Variants in LNPK observed in about 807,000 individuals in gnomAD.
LNPK encodes the protein lunapark, ER junction formation factor, also known as endoplasmic reticulum junction formation protein lunapark.
LNPK carries 29 observed loss-of-function variants against 55.2 expected under a neutral mutation model. The observed-to-expected ratio is 0.53, with a 90% CI of 0.39 to 0.72. The LOEUF (loss-of-function observed/expected upper bound fraction) is 0.72. Ranked by LOEUF, LNPK falls within the 30% of genes least tolerant of loss-of-function variation. The probability of loss-of-function intolerance (pLI) is 0.00; values close to 1 mark genes in which losing one functional copy is unlikely to be tolerated. For synonymous variants in LNPK, 162 were observed against 168.2 expected (o/e 0.96, Z 0.29); for missense variants, 467 against 494.8 (o/e 0.94, Z 0.53).
At chr2:175,987,221 C>T (rs1026924678) in intron 4 of LNPK, among the ~76,000 whole-genome samples, 1 of 152,160 alleles carries the variant, frequency 6.6e-6, no homozygotes, top group Non-Finnish European at 1.5e-5. Flanking sequence ...GACACAAGCA[C>T]ACGTATGTTT....
intron 4 of LNPK, among the ~76,000 whole-genome samples, chr2:175,986,970 G>GA (rs745941194): frequency 0.011 from 1,331 of 118,876 alleles, 7 homozygotes; most frequent in Non-Finnish European, 0.018. Context: ...TATCAAACAA[G>GA]AAAAAAAAAA....
chr2:175,947,336 G>C (rs577691489), intron 9 of LNPK, 144 bp downstream of exon 9: 1 of 643,210 alleles, frequency 1.6e-6, no homozygotes, highest in African/African-American at 1.8e-5. Flanking sequence ...ATGGCTAATT[G>C]AATATGGAAC....
intron 6 of LNPK, among the ~76,000 whole-genome samples, chr2:175,969,207 C>A (rs1300194633): frequency 6.6e-6 from 1 of 152,168 alleles, no homozygotes; most frequent in African/African-American, 2.4e-5. Flanking sequence ...TTTAGTCAAA[C>A]TGCAAGAGAA....
At chr2:175,995,297 C>A (rs924674438) in intron 2 of LNPK, among the ~76,000 whole-genome samples, 1 of 151,892 alleles carries the variant, frequency 6.6e-6, no homozygotes, top group African/African-American at 2.4e-5. Context: ...GCCATTTGCA[C>A]ACAAATACAG....
intron 9 of LNPK, among the ~76,000 whole-genome samples, chr2:175,942,907 T>A (rs1309937710): frequency 2.0e-5 from 3 of 149,552 alleles, no homozygotes; most frequent in African/African-American, 7.4e-5. Flanking sequence ...ATTGTTAACC[T>A]CTAGCCAGAC....
In LNPK at chr2:175,929,578, C is replaced by T. The variant is rs1684163991; in HGVS notation, c.*389G>A. On this transcript the variant is annotated 3_prime_UTR_variant, in exon 13 of 13. Transcript: ENST00000272748. ...AGTAGTCAAAATCTTAACCAAGTTT[C>T]ATTCCTTAAAACAAACACAATTAGA... The T allele has an allele frequency of 1.1e-5, 11 of 997,702 alleles. No homozygotes were observed. Among genetic ancestry groups the T allele is most frequent in the Admixed American group, 5.8e-5 (1 of 17,324 alleles). 61.8% of individuals were successfully genotyped at this position (997,702 alleles called of 1,614,324 possible).
chr2:175,951,086 T>C (rs1425644102), intron 8 of LNPK, among the ~76,000 whole-genome samples: 1 of 152,150 alleles, frequency 6.6e-6, no homozygotes, highest in Non-Finnish European at 1.5e-5. Context: ...TACTCGTCCC[T>C]TAATTTATCA....
intron 4 of LNPK, among the ~76,000 whole-genome samples, chr2:175,981,585 T>C (rs1421820719): frequency 6.6e-6 from 1 of 152,020 alleles, no homozygotes; most frequent in African/African-American, 2.4e-5. Context: ...AAAAACAGCC[T>C]ATATGAAAAG....
intron 4 of LNPK, among the ~76,000 whole-genome samples, chr2:175,990,343 C>T (rs1009796505): frequency 6.6e-6 from 1 of 152,166 alleles, no homozygotes; most frequent in Non-Finnish European, 1.5e-5. Flanking sequence ...TTCTCTCTCA[C>T]CAAGTGATCT....
chr2:175,929,892 A>G lies in LNPK; in HGVS notation c.*75T>C. On this transcript the variant is annotated 3_prime_UTR_variant, in exon 13 of 13. Transcript: ENST00000272748. ...ATACCCTTAGAGGGGCAAAAAAAGTAAGTGCCACCGAAAAAGCAATAACTG... is the reference window on the plus strand; with the variant it reads ...ATACCCTTAGAGGGGCAAAAAAAGTGAGTGCCACCGAAAAAGCAATAACTG... The G allele has an allele frequency of 6.3e-7, 1 of 1,580,590 alleles. No individual in the cohort carries two copies. Among genetic ancestry groups the G allele is most frequent in the East Asian group, 2.3e-5 (1 of 44,404 alleles).
chr2:175,958,116 C>G (rs923038660), intron 8 of LNPK, among the ~76,000 whole-genome samples: 14 of 152,248 alleles, frequency 9.2e-5, no homozygotes, highest in Non-Finnish European at 4.4e-5. Flanking sequence ...TCTGTAGACT[C>G]CACCTCTGGG....
intron 4 of LNPK, among the ~76,000 whole-genome samples, chr2:175,983,106 A>G (rs182055589): frequency 1.0e-3 from 153 of 152,358 alleles, no homozygotes; most frequent in African/African-American, 3.3e-3. Context: ...GTAATAAGGT[A>G]AACTTTTCCA....
chr2:175,973,646 A>G (rs896461468), intron 5 of LNPK, among the ~76,000 whole-genome samples: 1 of 152,178 alleles, frequency 6.6e-6, no homozygotes, highest in African/African-American at 2.4e-5. Context: ...ATTCTCACCT[A>G]AAGTTGTTCT....
chr2:175,933,111 C>T (rs1026592354), intron 12 of LNPK, among the ~76,000 whole-genome samples: 2 of 152,090 alleles, frequency 1.3e-5, no homozygotes, highest in Non-Finnish European at 2.9e-5. Context: ...CAATTTCTTT[C>T]CCCACTCCTG....
At chr2:175,957,756 T>C (rs144730747) in intron 8 of LNPK, among the ~76,000 whole-genome samples, 9,302 of 152,246 alleles carry the variant, frequency 0.061, 329 homozygotes, top group Admixed American at 0.12. Flanking sequence ...GGGCGGGGCA[T>C]TGCCTCACCT....
intron 12 of LNPK, chr2:175,932,278 C>A (rs944882554): frequency 3.5e-5 from 15 of 422,756 alleles, no homozygotes; most frequent in African/African-American, 2.9e-4. Context: ...AATTCTGGGG[C>A]CACAAAGAAA....
chr2:175,949,473 A>G (rs768477394), intron 8 of LNPK, among the ~76,000 whole-genome samples: 2 of 152,148 alleles, frequency 1.3e-5, no homozygotes, highest in African/African-American at 4.8e-5. Flanking sequence ...CAGGTAAAGC[A>G]TAACTCAAAA....
chr2:175,993,403 G>C (rs753928494), intron 2 of LNPK, among the ~76,000 whole-genome samples, 180 bp from the exon 3 acceptor site: 4 of 152,028 alleles, frequency 2.6e-5, no homozygotes, highest in Non-Finnish European at 5.9e-5. Flanking sequence ...ATAGAACTAC[G>C]TAAGATTAAA....
chr2:175,960,341 GA>G (rs1238596683), intron 8 of LNPK, among the ~76,000 whole-genome samples: 2 of 152,120 alleles, frequency 1.3e-5, no homozygotes, highest in Non-Finnish European at 2.9e-5. Context: ...TAAAAGAACA[GA>G]AATCACAACA....
Sources: gnomAD v4.1 joint callset for allele counts (sites outside exome capture counted in the v4.1 genomes callset) on GRCh38, gnomAD v4.1.1 for gene constraint, MANE v1.5 for transcripts, NCBI Gene and HGNC (gene_info 2026-07-23, HGNC 2026-07-21) for gene names.